The following FOXK2 variants were observed in gnomAD, a reference collection of about 807,000 sequenced individuals.
The protein encoded by FOXK2 is forkhead box protein K2.
FOXK2 carries 24 observed loss-of-function variants against 53.3 expected under a neutral mutation model. The ratio of observed to expected loss-of-function variants is 0.45; its 90% CI spans 0.33 to 0.63. The LOEUF (loss-of-function observed/expected upper bound fraction) is 0.63, where lower values mean the gene tolerates loss of function less well. Ranked by LOEUF, FOXK2 falls within the 30% of genes least tolerant of loss-of-function variation. FOXK2 has a pLI of 0.03. For missense variants in FOXK2, 952 were observed against 910.5 expected, an observed-to-expected ratio of 1.05 and a Z score of -0.59; for synonymous variants, 505 against 407.1, an observed-to-expected ratio of 1.24 and a Z score of -2.89.
chr17:82,559,209 T>C, intron 1 of FOXK2: 1 of 382,660 alleles, frequency 2.6e-6, no homozygotes, highest in Admixed American at 2.8e-5. Context: ...GTACAGTGTT[T>C]GATTTGGTGT....
chr17:82,594,945 C>G (rs1280727950), intron 8 of FOXK2, among the ~76,000 whole-genome samples: 1 of 152,146 alleles, frequency 6.6e-6, no homozygotes, highest in African/African-American at 2.4e-5. Flanking sequence ...GAGGCTAAGG[C>G]AGGGAGATCG....
chr17:82,547,093 G>A (rs1446152567), intron 1 of FOXK2, among the ~76,000 whole-genome samples: 1 of 150,634 alleles, frequency 6.6e-6, no homozygotes, highest in Non-Finnish European at 1.5e-5. Context: ...AAAAAAAAAG[G>A]AAGGAGAAAG....
In FOXK2 at chr17:82,520,174, C is replaced by A; in HGVS notation, c.286C>A (p.Pro96Thr). Reference protein sequence around the residue: ...PGGGGHGGAAPELPPAQPRPD... With the variant: ...PGGGGHGGAATELPPAQPRPD... ...CGGCGGCGGCCATGGCGGGGCCGCT[C>A]CGGAGCTGCCGCCCGCGCAGCCCAG... Residue 96 changes from proline (P) to threonine (T), a missense_variant, in exon 1 of 9, where the codon CCG (proline) becomes ACG (threonine). Around this residue, in one of 5 missense-constraint regions of FOXK2, gnomAD observed 163 missense variants for 165.5 expected, o/e 0.98. Coordinates refer to ENST00000335255, the MANE Select transcript of FOXK2 (RefSeq NM_004514.4). 6.8e-7 allele frequency: 1 copy of A among 1,467,764 alleles called. No homozygotes were observed. The highest frequency in any genetic ancestry group is 9.0e-7 in the Non-Finnish European group (1 of 1,108,750). 90.9% of individuals were successfully genotyped at this position (1,467,764 alleles called of 1,614,324 possible).
rs1041675524 is a variant in FOXK2 at position 82,563,543 on chromosome 17, C to T, written c.609C>T (p.Thr203=). The change falls in exon 2 of 9, where the codon ACC becomes ACT. Residue 203 remains threonine (T), a synonymous_variant. Coordinates refer to ENST00000335255, the MANE Select transcript of FOXK2 (RefSeq NM_004514.4). The part of the protein sequence containing the change: ...LISPLPSPTG[T]ISAANSCPSS... ...GCCCTCTGCCCTCCCCCACGGGAAC[C>T]ATCAGGTGCGGCCATGGGGATGGGG... The T allele has an allele frequency of 1.9e-6, 3 of 1,612,812 alleles. No individual in the cohort carries two copies. The African/African-American group carries it at 4.0e-5, about 22-fold the overall frequency.
At chr17:82,599,939 TG>T (rs2045365213) in intron 8 of FOXK2, 1 of 152,512 alleles carries the variant, frequency 6.6e-6, no homozygotes, top group Non-Finnish European at 1.5e-5. Context: ...GGTACTGCCC[TG>T]TAGGCGTGTC....
At chr17:82,529,740 C>G (rs1027621096) in intron 1 of FOXK2, among the ~76,000 whole-genome samples, 2 of 152,144 alleles carry the variant, frequency 1.3e-5, no homozygotes, top group Non-Finnish European at 2.9e-5. Flanking sequence ...TGCGGAGTCA[C>G]TAGATAACTC....
Position 82,587,289 on chromosome 17 carries a change from G to A in FOXK2, c.1786+17G>A, listed in dbSNP as rs187001625. 3.5e-4 allele frequency: 561 copies of A among 1,603,520 alleles called. 4 individuals are homozygous for A. The highest frequency in any genetic ancestry group is 1.9e-3 in the East Asian group (84 of 44,844). ...TGAACAATGGTAAGACATGCTGGTC[G>A]GTGGCTCCCCGTGGCTGTGGGTACT... On this transcript the variant is annotated intron_variant, in intron 8 of 8. Coordinates refer to ENST00000335255, the MANE Select transcript of FOXK2 (RefSeq NM_004514.4).
chr17:82,581,632 C>T (rs550279070), intron 4 of FOXK2, among the ~76,000 whole-genome samples: 3 of 152,136 alleles, frequency 2.0e-5, no homozygotes, highest in Non-Finnish European at 4.4e-5. Context: ...CCCGCCACTA[C>T]GCCCCGCTAA....
At chr17:82,545,287 A>T (rs1025176921) in intron 1 of FOXK2, among the ~76,000 whole-genome samples, 1 of 152,218 alleles carries the variant, frequency 6.6e-6, no homozygotes, top group Non-Finnish European at 1.5e-5. Flanking sequence ...CCTATCCCGA[A>T]TTCTAAACCA....
chr17:82,530,264 G>A (rs1157155226), intron 1 of FOXK2, among the ~76,000 whole-genome samples: 1 of 152,022 alleles, frequency 6.6e-6, no homozygotes, highest in African/African-American at 2.4e-5. Flanking sequence ...GCTGAGGCAG[G>A]CGGATCTCCT....
Position 82,542,879 on chromosome 17 carries a change from G to A in FOXK2, c.420-20475G>A, listed in dbSNP as rs143339032. On this transcript the variant is annotated intron_variant, in intron 1 of 8. Coordinates refer to ENST00000335255, the MANE Select transcript of FOXK2 (RefSeq NM_004514.4). ...AAAAAATAAAAAAAATTAGCTGGGT[G>A]TGGTGGTGCGCACCTGTAGTCCCAG... 1.8e-3 allele frequency among the ~76,000 whole-genome samples: 275 copies of A among 152,272 alleles called. 2 individuals are homozygous for A. The highest frequency in any genetic ancestry group is 6.8e-3 in the Middle Eastern group (2 of 294).
intron 1 of FOXK2, among the ~76,000 whole-genome samples, chr17:82,538,954 G>A (rs917562232): frequency 6.6e-6 from 1 of 152,304 alleles, no homozygotes; most frequent in South Asian, 2.1e-4. Context: ...TCCTCTCCTG[G>A]TTTATCTTCT....
chr17:82,565,183 T>C (rs1014064306), intron 2 of FOXK2, among the ~76,000 whole-genome samples: 14 of 152,192 alleles, frequency 9.2e-5, no homozygotes, highest in African/African-American at 3.1e-4. Context: ...TGAAAATGGA[T>C]CAAAGACCTA....
At chr17:82,556,286 A>G (rs1231087558) in intron 1 of FOXK2, among the ~76,000 whole-genome samples, 5 of 152,154 alleles carry the variant, frequency 3.3e-5, no homozygotes, top group Admixed American at 2.6e-4. Flanking sequence ...TCTACTAAAA[A>G]TACAAAAATT....
intron 8 of FOXK2, chr17:82,598,997 GGTCTGGAGTCTCCCCTGCCCTCTC>G (rs1473766807): frequency 6.6e-5 from 10 of 152,358 alleles, no homozygotes; most frequent in Non-Finnish European, 1.5e-4. Flanking sequence ...GCCTCCCCTA[GGTCTGGAGTCTCCCCTGCCCTCTC>G]GTTGGGCTCC....
At chr17:82,593,931 G>A (rs1484550941) in intron 8 of FOXK2, 1 of 152,346 alleles carries the variant, frequency 6.6e-6, no homozygotes, top group Non-Finnish European at 1.5e-5. Flanking sequence ...CAGAGCAGCG[G>A]GATCAGGCCA....
chr17:82,538,217 C>T (rs929356550), intron 1 of FOXK2, among the ~76,000 whole-genome samples: 6 of 151,436 alleles, frequency 4.0e-5, no homozygotes, highest in Admixed American at 2.6e-4. Flanking sequence ...AGCAAGACTC[C>T]GTCTGAAAAA....
At chr17:82,599,153 A>G (rs2143179990) in intron 8 of FOXK2, 1 of 147,238 alleles carries the variant, frequency 6.8e-6, no homozygotes, top group East Asian at 2.0e-4. Context: ...ACTGGAGTGC[A>G]ATGGCACGAT....
intron 1 of FOXK2, among the ~76,000 whole-genome samples, chr17:82,529,068 C>T (rs942380180): frequency 6.6e-6 from 1 of 152,170 alleles, no homozygotes. Flanking sequence ...CCGCCTGTTG[C>T]GTAGCAACCT....
Sources: gnomAD v4.1 joint callset for allele counts (sites outside exome capture counted in the v4.1 genomes callset) on GRCh38, gnomAD v4.1.1 for gene constraint, gnomAD v4.1.1 regional missense constraint, MANE v1.5 for transcripts, NCBI Gene and HGNC (gene_info 2026-07-23, HGNC 2026-07-21) for gene names.